Variants in NDUFV2 observed in about 807,000 individuals in gnomAD.
NDUFV2 encodes NADH dehydrogenase [ubiquinone] flavoprotein 2, mitochondrial.
A neutral mutation model predicts 31.6 loss-of-function variants in NDUFV2; 18 were observed. That is an observed-to-expected ratio of 0.57 (90% CI 0.39 to 0.84). The LOEUF (loss-of-function observed/expected upper bound fraction) is 0.84. Among genes scored for constraint, NDUFV2 ranks in the 40% least tolerant of loss-of-function variants. The pLI is 0.00. For missense variants in NDUFV2, 314 were observed against 303.6 expected (o/e 1.03, Z -0.26); for synonymous variants, 83 against 99.8 (o/e 0.83, Z 1.01).
chr18:9,107,054 A>C (rs2077845479), intron 1 of NDUFV2, among the ~76,000 whole-genome samples: 1 of 151,992 alleles, frequency 6.6e-6, no homozygotes, highest in Admixed American at 6.6e-5. Context: ...TTGTTGTGTA[A>C]ACTAATACTC....
At chr18:9,115,748 C>T (rs1598344396) in intron 1 of NDUFV2, 1 of 152,168 alleles carries the variant, frequency 6.6e-6, no homozygotes, top group Middle Eastern at 3.4e-3. Context: ...ATCTCAGCTA[C>T]TTGGGAGGCT....
chr18:9,124,464 T>C (rs1249913442), intron 5 of NDUFV2, among the ~76,000 whole-genome samples: 1 of 149,708 alleles, frequency 6.7e-6, no homozygotes, highest in Non-Finnish European at 1.5e-5. Flanking sequence ...TTTTTTTTTT[T>C]TGGAGATGGA....
At chr18:9,124,813 TTTA>T in intron 5 of NDUFV2, 58 bp from the exon 6 acceptor site, 2 of 1,475,096 alleles carry the variant, frequency 1.4e-6, no homozygotes, top group Non-Finnish European at 1.8e-6. Context: ...TTTTTTTTTT[TTTA>T]AACCAAATGA....
At chr18:9,131,029 C>G (rs1051671656) in intron 7 of NDUFV2, among the ~76,000 whole-genome samples, 2 of 152,192 alleles carry the variant, frequency 1.3e-5, no homozygotes, top group Non-Finnish European at 2.9e-5. Context: ...CAAAACTTTA[C>G]TCATAGCCTG....
chr18:9,125,249 T>C (rs1253289510), intron 6 of NDUFV2, among the ~76,000 whole-genome samples: 1 of 152,180 alleles, frequency 6.6e-6, no homozygotes, highest in Non-Finnish European at 1.5e-5. Flanking sequence ...CTATCAGGAC[T>C]TAACTGAGAG....
intron 5 of NDUFV2, among the ~76,000 whole-genome samples, chr18:9,124,234 T>A (rs1411319835): frequency 6.6e-6 from 1 of 150,578 alleles, no homozygotes; most frequent in Non-Finnish European, 1.5e-5. Context: ...TCACCCAGGC[T>A]GGAGTACAGT....
At chr18:9,122,745 A>T (rs751753043) in intron 5 of NDUFV2, 64 bp downstream of exon 5, 7 of 1,560,202 alleles carry the variant, frequency 4.5e-6, no homozygotes, top group East Asian at 2.3e-5. Flanking sequence ...GATTTGGTAC[A>T]TTTCTATCTA....
chr18:9,104,659 T>TCTCC (rs1304206977), intron 1 of NDUFV2, among the ~76,000 whole-genome samples: 1 of 152,082 alleles, frequency 6.6e-6, no homozygotes, highest in African/African-American at 2.4e-5. Flanking sequence ...ACTCTCTTTC[T>TCTCC]CTCCCTCCCT....
At chr18:9,102,835 C>A (rs1568184168) in intron 1 of NDUFV2, 38 bp downstream of exon 1, 2 of 1,533,124 alleles carry the variant, frequency 1.3e-6, no homozygotes, top group Admixed American at 2.0e-5. Context: ...CTGCCGCCGC[C>A]CTTCTCTTGC....
At chr18:9,111,439 T>C (rs990934571) in intron 1 of NDUFV2, among the ~76,000 whole-genome samples, 3 of 152,060 alleles carry the variant, frequency 2.0e-5, no homozygotes, top group South Asian at 2.1e-4. Flanking sequence ...TCTTTTTTTT[T>C]TCCCCCCGAG....
intron 6 of NDUFV2, 62 bp from the exon 7 acceptor site, chr18:9,126,769 T>C: frequency 7.0e-7 from 1 of 1,427,708 alleles, no homozygotes. Flanking sequence ...ACCTTGTCTC[T>C]ATAAATATAT....
rs139992358 is a variant in NDUFV2 at position 9,121,011 on chromosome 18, G to A, written c.300+1421G>A. On this transcript the variant is annotated intron_variant, in intron 4 of 7. Coordinates refer to ENST00000318388, the MANE Select transcript of NDUFV2 (RefSeq NM_021074.5). The stretch of plus-strand genomic sequence containing the variant: ...GCATGCCTGTAGACCCAGGTACTCA[G>A]GATGTTGATGTGGGAGGATTGCTTG... Among the ~76,000 whole-genome samples, 960 of 152,240 alleles carry A rather than the reference G, an allele frequency of 6.3e-3. 7 individuals carry two copies. Among genetic ancestry groups the A allele is most frequent in the Middle Eastern group, 0.017 (5 of 294 alleles).
chr18:9,109,021 AG>A (rs1568186763), intron 1 of NDUFV2, among the ~76,000 whole-genome samples: 1 of 152,168 alleles, frequency 6.6e-6, no homozygotes, highest in Non-Finnish European at 1.5e-5. Context: ...AAAATTACCT[AG>A]TCTGAATGAA....
At chr18:9,120,099 CAA>C (rs2077923957) in intron 4 of NDUFV2, among the ~76,000 whole-genome samples, 2 of 152,216 alleles carry the variant, frequency 1.3e-5, no homozygotes, top group East Asian at 1.9e-4. Context: ...CCATTTTATT[CAA>C]AGTTACTCTA....
rs370466523 is a variant in NDUFV2, at chr18:9,119,332, G to C, written c.127G>C (p.Asp43His). Residue 43 changes from aspartate to histidine, a missense_variant, in exon 3 of 8, where the codon GAT (aspartate) becomes CAT (histidine). Physicochemically the swap from Asp to His is moderately conservative, Grantham distance 81. Transcript: ENST00000318388. Reference sequence around the variant, plus strand: ...AACTGTTTTTGTTGTGTAGCACAGAGATACTCCTGAGAATAACCCTGATAC... The same window carrying C: ...AACTGTTTTTGTTGTGTAGCACAGACATACTCCTGAGAATAACCCTGATAC... Reference protein sequence around the residue: ...GAGGALFVHRDTPENNPDTPF... With the variant: ...GAGGALFVHRHTPENNPDTPF... 1 of 1,612,554 alleles carries C rather than the reference G, an allele frequency of 6.2e-7. No homozygotes were observed. Among genetic ancestry groups the C allele is most frequent in the Non-Finnish European group, 8.5e-7 (1 of 1,178,740 alleles).
chr18:9,132,490 G>A (rs912730453), intron 7 of NDUFV2: 1 of 152,288 alleles, frequency 6.6e-6, no homozygotes, highest in African/African-American at 2.4e-5. Flanking sequence ...AGCTTAAACC[G>A]TAAGAAGAAA....
intron 1 of NDUFV2, chr18:9,104,136 C>G: frequency 1.2e-6 from 2 of 1,612,076 alleles, no homozygotes; most frequent in Non-Finnish European, 1.7e-6. Flanking sequence ...GCATGGGGTC[C>G]GAGGGTATTC....
chr18:9,125,176 T>A (rs2144752640), intron 6 of NDUFV2, among the ~76,000 whole-genome samples, 193 bp downstream of exon 6: 1 of 152,316 alleles, frequency 6.6e-6, no homozygotes, highest in East Asian at 1.9e-4. Context: ...ATTTTAAAAC[T>A]TTAGATTATG....
chr18:9,111,792 T>C (rs1270807033), intron 1 of NDUFV2, among the ~76,000 whole-genome samples: 2 of 152,104 alleles, frequency 1.3e-5, no homozygotes, highest in East Asian at 3.9e-4. Context: ...TTTCTGTTTT[T>C]ATAAATGAGG....
Sources: allele counts gnomAD v4.1 joint callset (sites outside exome capture counted in the v4.1 genomes callset), GRCh38; gene constraint gnomAD v4.1.1; transcripts MANE v1.5; gene names NCBI Gene and HGNC (gene_info 2026-07-23, HGNC 2026-07-21).